The following CSMD1 variants were observed in gnomAD, a reference collection of about 807,000 sequenced individuals.
CSMD1 encodes the protein CUB and Sushi multiple domains 1, also known as CUB and sushi domain-containing protein 1.
A neutral mutation model predicts 417.5 loss-of-function variants in CSMD1; 213 were observed. The observed-to-expected ratio is 0.51, with a 90% CI of 0.46 to 0.57. CSMD1 has a LOEUF of 0.57. Among genes scored for constraint, CSMD1 ranks in the 20% least tolerant of loss-of-function variants. CSMD1 has a pLI of 0.00. For synonymous variants in CSMD1, 2,862 were observed against 1,736.8 expected, an observed-to-expected ratio of 1.65 and a Z score of -16.11; for missense variants, 6,923 against 4,529.7, an observed-to-expected ratio of 1.53 and a Z score of -15.17.
chr8:4,896,524 C>G (rs889896657), intron 1 of CSMD1, among the ~76,000 whole-genome samples: 4 of 152,130 alleles, frequency 2.6e-5, no homozygotes, highest in Non-Finnish European at 5.9e-5. Context: ...TCTCTCTGCT[C>G]TTTGCTTCAT....
intron 1 of CSMD1, among the ~76,000 whole-genome samples, chr8:4,737,103 G>A (rs569845857): frequency 6.6e-6 from 1 of 152,118 alleles, no homozygotes. Flanking sequence ...ATCAATGATA[G>A]ACTGAATAAA....
chr8:4,195,775 G>A (rs1467634145), intron 3 of CSMD1, among the ~76,000 whole-genome samples: 1 of 152,142 alleles, frequency 6.6e-6, no homozygotes, highest in African/African-American at 2.4e-5. Flanking sequence ...AGTGGATTCT[G>A]CACACAACCT....
intron 3 of CSMD1, among the ~76,000 whole-genome samples, chr8:4,232,846 T>A (rs1450820973): frequency 6.6e-6 from 1 of 152,112 alleles, no homozygotes; most frequent in Non-Finnish European, 1.5e-5. Flanking sequence ...TTTATTTATT[T>A]ATATATTTAT....
chr8:3,904,417 T>A (rs1318555710), intron 5 of CSMD1, among the ~76,000 whole-genome samples: 1 of 152,152 alleles, frequency 6.6e-6, no homozygotes, highest in Non-Finnish European at 1.5e-5. Context: ...ATGTTAGTGC[T>A]TCTCAAACTT....
rs183714914 is a variant in CSMD1 at position 3,424,047 on chromosome 8, C to G, written c.1562-14442G>C. Among the ~76,000 whole-genome samples, 415 of 152,246 alleles carry G rather than the reference C, an allele frequency of 2.7e-3. 1 individual carries two copies. Among genetic ancestry groups the G allele is most frequent in the African/African-American group, 9.4e-3 (391 of 41,552 alleles). On this transcript the variant is annotated intron_variant, in intron 12 of 69. Transcript: ENST00000635120. ...TCCGTACCATTTTAAAAAAATTTAC[C>G]TCCTTTTAAAAATTATTTGTTTTAT...
intron 26 of CSMD1, among the ~76,000 whole-genome samples, chr8:3,280,740 T>C (rs79991990): frequency 0.043 from 6,597 of 152,014 alleles, 205 homozygotes; most frequent in East Asian, 0.13. Context: ...TTGTCATTTC[T>C]GTAGAAACTT....
chr8:3,537,049 G>A (rs1434840640), intron 10 of CSMD1, among the ~76,000 whole-genome samples: 2 of 152,026 alleles, frequency 1.3e-5, no homozygotes, highest in Admixed American at 1.3e-4. Context: ...CTGTTGCCGG[G>A]CTGGAGTGCA....
chr8:3,575,155 A>G (rs1248173747), intron 9 of CSMD1, 89 bp from the exon 10 acceptor site: 3 of 1,257,458 alleles, frequency 2.4e-6, no homozygotes, highest in African/African-American at 1.7e-5. Context: ...CAAGTTAGCT[A>G]TTATCTAATC....
intron 3 of CSMD1, among the ~76,000 whole-genome samples, chr8:4,261,366 G>A (rs922023086): frequency 2.0e-5 from 3 of 152,104 alleles, no homozygotes; most frequent in Admixed American, 1.3e-4. Context: ...CATCTTCTCA[G>A]AAATAGAGAT....
intron 50 of CSMD1, among the ~76,000 whole-genome samples, chr8:3,042,182 A>C (rs1563270622): frequency 6.6e-6 from 1 of 152,152 alleles, no homozygotes; most frequent in Non-Finnish European, 1.5e-5. Flanking sequence ...TACCAAACTG[A>C]CTTTTTGGCC....
chr8:4,680,826 C>T (rs138213087), intron 1 of CSMD1, among the ~76,000 whole-genome samples: 2,298 of 152,116 alleles, frequency 0.015, 61 homozygotes, highest in African/African-American at 0.053. Context: ...GTGATCCACC[C>T]GCCTTGGCCT....
intron 12 of CSMD1, among the ~76,000 whole-genome samples, chr8:3,461,159 C>G (rs1245583757): frequency 6.6e-6 from 1 of 152,140 alleles, no homozygotes; most frequent in Non-Finnish European, 1.5e-5. Flanking sequence ...CTAGAGAGGG[C>G]TCATAGCTGC....
chr8:3,936,309 A>T (rs140430213), intron 5 of CSMD1, among the ~76,000 whole-genome samples: 20 of 152,300 alleles, frequency 1.3e-4, no homozygotes, highest in Non-Finnish European at 2.5e-4. Context: ...GGCTACACTA[A>T]AAGGCAGATA....
chr8:3,607,676 GAT>G (rs1425475322), intron 8 of CSMD1, among the ~76,000 whole-genome samples: 2 of 152,274 alleles, frequency 1.3e-5, no homozygotes, highest in Non-Finnish European at 2.9e-5. Context: ...TGTATGACTG[GAT>G]ATTCTATTTA....
chr8:3,638,236 G>GA (rs1176726562), intron 7 of CSMD1, among the ~76,000 whole-genome samples: 5 of 152,040 alleles, frequency 3.3e-5, no homozygotes, highest in African/African-American at 7.2e-5. Flanking sequence ...AACATTGGTA[G>GA]AAAAAATTCT....
At chr8:3,283,544 C>G (rs530337955) in intron 26 of CSMD1, among the ~76,000 whole-genome samples, 2 of 151,944 alleles carry the variant, frequency 1.3e-5, no homozygotes, top group South Asian at 2.1e-4. Context: ...GTGTTCAGAA[C>G]CACTCCAAAA....
At chr8:3,931,332 G>C (rs1810122601) in intron 5 of CSMD1, among the ~76,000 whole-genome samples, 1 of 150,594 alleles carries the variant, frequency 6.6e-6, no homozygotes, top group Non-Finnish European at 1.5e-5. Flanking sequence ...GAAGTCAGCA[G>C]AAAAGGGCCA....
chr8:4,346,814 T>C (rs542886947), intron 3 of CSMD1, among the ~76,000 whole-genome samples: 168 of 152,308 alleles, frequency 1.1e-3, no homozygotes, highest in African/African-American at 3.7e-3. Context: ...TGTCCCGCTG[T>C]AGAAATCCAA....
At chr8:4,320,539 T>A (rs1387317192) in intron 3 of CSMD1, among the ~76,000 whole-genome samples, 1 of 151,548 alleles carries the variant, frequency 6.6e-6, no homozygotes, top group Non-Finnish European at 1.5e-5. Context: ...CCCCAGTGGG[T>A]GATGTTCCCC....
Sources: allele counts gnomAD v4.1 joint callset (sites outside exome capture counted in the v4.1 genomes callset), GRCh38; gene constraint gnomAD v4.1.1; transcripts MANE v1.5; gene names NCBI Gene and HGNC (gene_info 2026-07-23, HGNC 2026-07-21).